ELP3: variants seen among roughly 807,000 people sequenced by gnomAD.
ELP3 encodes elongator complex protein 3.
In ELP3, 56 loss-of-function variants were observed where a neutral mutation model predicts 74.9. The observed-to-expected ratio is 0.75, with a 90% confidence interval of 0.60 to 0.93. The LOEUF (loss-of-function observed/expected upper bound fraction) is 0.93, where lower values mean the gene tolerates loss of function less well. Among genes scored for constraint, ELP3 ranks in the 40% least tolerant of loss-of-function variants. The probability of loss-of-function intolerance (pLI) is 0.00; values close to 1 mark genes in which losing one functional copy is unlikely to be tolerated. For missense variants in ELP3, 573 were observed against 686.5 expected, an observed-to-expected ratio of 0.83 and a Z score of 1.85; for synonymous variants, 222 against 239.8, an observed-to-expected ratio of 0.93 and a Z score of 0.68.
At chr8:28,109,509 G>A (rs1252088171) in intron 5 of ELP3, among the ~76,000 whole-genome samples, 3 of 152,174 alleles carry the variant, frequency 2.0e-5, no homozygotes, top group Non-Finnish European at 4.4e-5. Flanking sequence ...AGGGAACACA[G>A]CATACACAGG....
At chr8:28,092,463 A>G (rs1161583829), upstream of ELP3, among the ~76,000 whole-genome samples, 1 of 152,160 alleles carries the variant, frequency 6.6e-6, no homozygotes, top group Non-Finnish European at 1.5e-5. Context: ...GCCAGACCTC[A>G]GATGATCTGC....
intron 14 of ELP3, among the ~76,000 whole-genome samples, chr8:28,173,413 T>C (rs1814611659): frequency 6.6e-6 from 1 of 152,024 alleles, no homozygotes; most frequent in African/African-American, 2.4e-5. Context: ...TATTTTCTTA[T>C]AGAATTCTTA....
At chr8:28,094,330 C>T (rs1013994483) in intron 1 of ELP3, among the ~76,000 whole-genome samples, 1 of 152,220 alleles carries the variant, frequency 6.6e-6, no homozygotes, top group Non-Finnish European at 1.5e-5. Context: ...GGTATTTCAG[C>T]TTTCATATAC....
chr8:28,156,106 C>A, intron 11 of ELP3, 74 bp downstream of exon 11: 1 of 1,208,080 alleles, frequency 8.3e-7, no homozygotes, highest in Non-Finnish European at 1.2e-6. Context: ...GACTTTGCCA[C>A]TACCACCCCT....
chr8:28,160,524 GGGTGAAGAGAAGAGGAAGA>G, intron 13 of ELP3, 68 bp downstream of exon 13: 1 of 1,396,222 alleles, frequency 7.2e-7, no homozygotes, highest in East Asian at 2.4e-5. Context: ...AAAAGGAATG[GGGTGAAGAGAAGAGGAAGA>G]GGCAGAGGAG....
At chr8:28,150,326 G>A (rs537365149) in intron 10 of ELP3, among the ~76,000 whole-genome samples, 2 of 152,246 alleles carry the variant, frequency 1.3e-5, no homozygotes, top group South Asian at 4.1e-4. Flanking sequence ...GTAGGTCTGA[G>A]TTTCTGACCC....
rs977079471 is a variant in ELP3, at chr8:28,150,106, G to A, written c.1101-5836G>A. ...AATCCTAATTCCTCCCTCCTGTCCT[G>A]TGTGTCATTGCTGTCATTCATTTCA... On this transcript the variant is annotated intron_variant, in intron 10 of 14. Transcript: ENST00000256398. 1.1e-4 allele frequency among the ~76,000 whole-genome samples: 17 copies of A among 152,068 alleles called. 1 individual carries two copies. Among genetic ancestry groups the A allele is most frequent in the South Asian group, 1.0e-3 (5 of 4,816 alleles).
At chr8:28,181,829 C>T (rs1053183435) in intron 14 of ELP3, among the ~76,000 whole-genome samples, 9 of 152,234 alleles carry the variant, frequency 5.9e-5, no homozygotes, top group Non-Finnish European at 1.0e-4. Context: ...CATCTTTCTC[C>T]TAGGACAATA....
chr8:28,175,044 T>C (rs1814686965), intron 14 of ELP3, among the ~76,000 whole-genome samples: 1 of 152,226 alleles, frequency 6.6e-6, no homozygotes, highest in African/African-American at 2.4e-5. Context: ...ATGTGATGAC[T>C]CATTTTGCCT....
intron 3 of ELP3, among the ~76,000 whole-genome samples, chr8:28,101,616 G>A (rs1811492478): frequency 7.0e-6 from 1 of 142,116 alleles, no homozygotes; most frequent in African/African-American, 2.7e-5. Flanking sequence ...ACCTGAGACA[G>A]TCTTGTTCTG....
At chr8:28,142,105 A>C (rs1813263797) in intron 10 of ELP3, among the ~76,000 whole-genome samples, 1 of 152,240 alleles carries the variant, frequency 6.6e-6, no homozygotes, top group Non-Finnish European at 1.5e-5. Context: ...TGGCCTACCA[A>C]CAACTGAGAA....
intron 14 of ELP3, among the ~76,000 whole-genome samples, chr8:28,179,418 T>C (rs1188997301): frequency 6.6e-6 from 1 of 152,232 alleles, no homozygotes; most frequent in African/African-American, 2.4e-5. Context: ...TGTATACAAA[T>C]GTCTTTACTT....
intron 14 of ELP3, among the ~76,000 whole-genome samples, chr8:28,166,275 C>T (rs1814303341): frequency 6.6e-6 from 1 of 152,180 alleles, no homozygotes; most frequent in Non-Finnish European, 1.5e-5. Flanking sequence ...TTTCTCCCTA[C>T]TTAGACTCCA....
chr8:28,149,259 G>A (rs1474731557), intron 10 of ELP3, among the ~76,000 whole-genome samples: 1 of 152,244 alleles, frequency 6.6e-6, no homozygotes. Flanking sequence ...CACAGAATGA[G>A]TTAAGAACTA....
intron 7 of ELP3, among the ~76,000 whole-genome samples, chr8:28,121,867 T>TAAC (rs1280716141): frequency 2.0e-5 from 3 of 152,242 alleles, no homozygotes; most frequent in African/African-American, 7.2e-5. Flanking sequence ...GACCTTTTCT[T>TAAC]ACAGTGTTAA....
At chr8:28,138,763 G>A (rs1172883586) in intron 10 of ELP3, among the ~76,000 whole-genome samples, 2 of 152,190 alleles carry the variant, frequency 1.3e-5, no homozygotes, top group Non-Finnish European at 2.9e-5. Context: ...TAACTGACTT[G>A]CTTGAAGGTC....
intron 1 of ELP3, among the ~76,000 whole-genome samples, chr8:28,095,265 A>G (rs750679190): frequency 6.6e-6 from 1 of 152,128 alleles, no homozygotes; most frequent in Non-Finnish European, 1.5e-5. Flanking sequence ...TTCTTGATAC[A>G]CTCAAGAGCT....
intron 7 of ELP3, among the ~76,000 whole-genome samples, chr8:28,126,587 G>A (rs760283211): frequency 3.0e-4 from 46 of 152,168 alleles, no homozygotes; most frequent in Non-Finnish European, 5.0e-4. Context: ...GCTGCATGCC[G>A]AAGAACTTGT....
chr8:28,109,075 G>A (rs1032683725), intron 5 of ELP3, among the ~76,000 whole-genome samples: 1 of 152,300 alleles, frequency 6.6e-6, no homozygotes, highest in Admixed American at 6.5e-5. Context: ...GAGTGCAAAT[G>A]AGCTGGGGTT....
Sources: allele counts gnomAD v4.1 joint callset (sites outside exome capture counted in the v4.1 genomes callset), GRCh38; gene constraint gnomAD v4.1.1; transcripts MANE v1.5; gene names NCBI Gene and HGNC (gene_info 2026-07-23, HGNC 2026-07-21).